The following FRAS1 variants were observed in gnomAD, a reference collection of about 807,000 sequenced individuals.
The protein encoded by FRAS1 is extracellular matrix organizing protein FRAS1.
Under a neutral mutation model 435.2 loss-of-function variants are expected in FRAS1, and 290 were observed. The observed-to-expected ratio is 0.67, with a 90% CI of 0.61 to 0.73. The LOEUF (loss-of-function observed/expected upper bound fraction) is 0.73, where lower values mean the gene tolerates loss of function less well. Ranked by LOEUF, FRAS1 falls within the 30% of genes least tolerant of loss-of-function variation. The pLI, the probability that FRAS1 is intolerant of heterozygous loss-of-function variation, is 0.00. For synonymous variants in FRAS1, 1,800 were observed against 1,851.0 expected (o/e 0.97, Z 0.71); for missense variants, 4,860 against 5,001.5 (o/e 0.97, Z 0.85).
intron 2 of FRAS1, among the ~76,000 whole-genome samples, chr4:78,176,576 A>C (rs1721786294): frequency 6.6e-6 from 1 of 152,200 alleles, no homozygotes; most frequent in Non-Finnish European, 1.5e-5. Context: ...CAGGCGAAAC[A>C]TTCCCAGTTT....
intron 2 of FRAS1, among the ~76,000 whole-genome samples, chr4:78,129,738 C>G (rs558703288): frequency 2.6e-5 from 4 of 152,286 alleles, no homozygotes; most frequent in Non-Finnish European, 4.4e-5. Flanking sequence ...TTGACCTCCT[C>G]ACCTTCTCCT....
intron 29 of FRAS1, among the ~76,000 whole-genome samples, chr4:78,389,134 A>G (rs770627002): frequency 6.6e-6 from 1 of 152,272 alleles, no homozygotes; most frequent in Non-Finnish European, 1.5e-5. Context: ...AGCCATTGCT[A>G]GACCAAAGGG....
At chr4:78,180,979 C>T in intron 2 of FRAS1, 2 of 1,610,736 alleles carry the variant, frequency 1.2e-6, no homozygotes, top group Non-Finnish European at 1.7e-6. Flanking sequence ...CCACCTTGTC[C>T]TCCCCTGCCG....
intron 2 of FRAS1, among the ~76,000 whole-genome samples, chr4:78,188,503 G>A (rs75757647): frequency 0.016 from 2,448 of 152,230 alleles, 46 homozygotes; most frequent in African/African-American, 0.048. Context: ...TCCTCCTCAG[G>A]GAAACTTCAG....
intron 4 of FRAS1, among the ~76,000 whole-genome samples, chr4:78,251,840 C>T (rs560667179): frequency 6.6e-6 from 1 of 152,190 alleles, no homozygotes; most frequent in Non-Finnish European, 1.5e-5. Context: ...CAACTCAGTG[C>T]TTGGGTACAT....
chr4:78,470,647 G>A (rs1267122387), intron 51 of FRAS1, among the ~76,000 whole-genome samples: 4 of 152,174 alleles, frequency 2.6e-5, no homozygotes, highest in African/African-American at 9.7e-5. Context: ...TTTGTGCCAT[G>A]TGAGGTATTA....
chr4:78,216,763 A>G (rs1399537902), intron 2 of FRAS1, among the ~76,000 whole-genome samples: 1 of 152,158 alleles, frequency 6.6e-6, no homozygotes, highest in East Asian at 1.9e-4. Flanking sequence ...CCTACATTGG[A>G]TAGAGTAGTC....
intron 28 of FRAS1, among the ~76,000 whole-genome samples, chr4:78,386,266 C>T (rs1482569942): frequency 6.6e-6 from 1 of 152,088 alleles, no homozygotes; most frequent in African/African-American, 2.4e-5. Context: ...TGTGACATTG[C>T]AATATGGTCT....
intron 2 of FRAS1, among the ~76,000 whole-genome samples, chr4:78,171,370 C>G (rs1721550330): frequency 6.6e-6 from 1 of 152,116 alleles, no homozygotes; most frequent in South Asian, 2.1e-4. Flanking sequence ...TCACCATTCT[C>G]TACTGCCTCT....
chr4:78,118,721 C>A (rs771533273), intron 2 of FRAS1, among the ~76,000 whole-genome samples: 203 of 152,288 alleles, frequency 1.3e-3, no homozygotes, highest in Admixed American at 3.7e-3. Context: ...GTCTGTCAAC[C>A]CTTTCTTTGA....
intron 2 of FRAS1, among the ~76,000 whole-genome samples, chr4:78,161,367 G>A (rs1373098510): frequency 1.3e-5 from 2 of 151,952 alleles, no homozygotes; most frequent in Non-Finnish European, 2.9e-5. Flanking sequence ...CGTCGGGTTT[G>A]GATACTACTC....
chr4:78,247,397 G>GA (rs538437264), intron 4 of FRAS1, among the ~76,000 whole-genome samples: 84 of 152,126 alleles, frequency 5.5e-4, no homozygotes, highest in African/African-American at 1.8e-3. Flanking sequence ...GTTTTTTGGG[G>GA]AAAAAATCTC....
At chr4:78,257,796 TTG>T (rs1398440764) in intron 6 of FRAS1, among the ~76,000 whole-genome samples, 2 of 152,188 alleles carry the variant, frequency 1.3e-5, no homozygotes, top group Non-Finnish European at 2.9e-5. Flanking sequence ...GAGAAATTCC[TTG>T]TGTTCATATA....
chr4:78,521,650 T>C lies in FRAS1; in HGVS notation c.10648+20T>C. The C allele has an allele frequency of 6.7e-7, 1 of 1,503,338 alleles. No homozygotes were observed. The highest frequency in any genetic ancestry group is 9.2e-7 in the Non-Finnish European group (1 of 1,090,724). 93.1% of individuals were successfully genotyped at this position (1,503,338 alleles called of 1,614,324 possible). Reference sequence around the variant, plus strand: ...TCAGAGGTAATATCAATGCCGTTTTTTTTTTCCAACTTTTTATTAAGAAAC... The same window carrying C: ...TCAGAGGTAATATCAATGCCGTTTTCTTTTTCCAACTTTTTATTAAGAAAC... On this transcript the variant is annotated intron_variant, in intron 68 of 73. Coordinates refer to ENST00000512123, the MANE Select transcript of FRAS1 (RefSeq NM_025074.7).
At chr4:78,245,609 C>T (rs969314991) in intron 4 of FRAS1, among the ~76,000 whole-genome samples, 8 of 152,152 alleles carry the variant, frequency 5.3e-5, no homozygotes, top group African/African-American at 1.2e-4. Flanking sequence ...TTATGTACTA[C>T]ATACATTTTA....
At chr4:78,305,072 C>T (rs1413631506) in intron 14 of FRAS1, among the ~76,000 whole-genome samples, 4 of 152,168 alleles carry the variant, frequency 2.6e-5, no homozygotes, top group African/African-American at 4.8e-5. Flanking sequence ...TCTTTGTTCT[C>T]ATTGGTTTCA....
chr4:78,471,487 G>T (rs914982032), intron 51 of FRAS1, among the ~76,000 whole-genome samples: 1 of 151,938 alleles, frequency 6.6e-6, no homozygotes, highest in Non-Finnish European at 1.5e-5. Context: ...CTCCAATTGG[G>T]TTTCTACCCC....
intron 32 of FRAS1, among the ~76,000 whole-genome samples, chr4:78,415,696 G>C (rs932685767): frequency 3.9e-5 from 6 of 152,174 alleles, no homozygotes; most frequent in African/African-American, 1.4e-4. Context: ...TAAGAAATGA[G>C]AGTCAGATCA....
At chr4:78,105,275 G>A (rs560423713) in intron 2 of FRAS1, among the ~76,000 whole-genome samples, 1 of 152,092 alleles carries the variant, frequency 6.6e-6, no homozygotes, top group African/African-American at 2.4e-5. Context: ...ATTTCTATAT[G>A]GTTATATATT....
Sources: gnomAD v4.1 joint callset for allele counts (sites outside exome capture counted in the v4.1 genomes callset) on GRCh38, gnomAD v4.1.1 for gene constraint, MANE v1.5 for transcripts, NCBI Gene and HGNC (gene_info 2026-07-23, HGNC 2026-07-21) for gene names.